BDKRB2: variants seen among roughly 807,000 people sequenced by gnomAD.
BDKRB2 encodes bradykinin receptor B2.
In BDKRB2, 6 loss-of-function variants were observed where a neutral mutation model predicts 4.0. The ratio of observed to expected loss-of-function variants is 1.49; its 90% CI spans 0.81 to 2.93. The LOEUF is 2.93. Among genes scored for constraint, BDKRB2 ranks in the 30% most tolerant of loss-of-function variants. BDKRB2 has a pLI of 0.00. For missense variants in BDKRB2, 478 were observed against 520.1 expected, an observed-to-expected ratio of 0.92 and a Z score of 0.79; for synonymous variants, 225 against 215.3, an observed-to-expected ratio of 1.05 and a Z score of -0.40.
intron 1 of BDKRB2, among the ~76,000 whole-genome samples, chr14:96,214,248 G>A (rs1259022376): frequency 2.0e-5 from 3 of 152,212 alleles, no homozygotes; most frequent in Admixed American, 6.5e-5. Context: ...TATCTTCCGG[G>A]AGTCTGTTTG....
intron 1 of BDKRB2, chr14:96,223,083 C>T: frequency 1.9e-6 from 2 of 1,059,884 alleles, no homozygotes; most frequent in South Asian, 1.3e-5. Context: ...CGGCACAGGG[C>T]TGAAGGCTAG....
At chr14:96,234,989 C>T (rs1409110463) in intron 1 of BDKRB2, among the ~76,000 whole-genome samples, 1 of 152,166 alleles carries the variant, frequency 6.6e-6, no homozygotes, top group Non-Finnish European at 1.5e-5. Flanking sequence ...GGCTGGTCTT[C>T]ATTCTTCCCC....
intron 1 of BDKRB2, chr14:96,233,805 CTG>C (rs1369810833): frequency 6.6e-6 from 1 of 152,184 alleles, no homozygotes; most frequent in African/African-American, 2.4e-5. Context: ...CCCACGGTGT[CTG>C]TGCGAGTAAA....
intron 1 of BDKRB2, among the ~76,000 whole-genome samples, chr14:96,224,683 A>G (rs1890654246): frequency 6.6e-6 from 1 of 152,004 alleles, no homozygotes; most frequent in Admixed American, 6.6e-5. Context: ...AGGGCTCAAC[A>G]TTTCCTGTCT....
intron 1 of BDKRB2, among the ~76,000 whole-genome samples, chr14:96,209,859 G>A (rs541791917): frequency 1.1e-4 from 17 of 152,214 alleles, no homozygotes; most frequent in African/African-American, 3.9e-4. Flanking sequence ...AGCCAGGCAC[G>A]GTGGTGCATG....
chr14:96,220,896 C>T (rs115525410), intron 1 of BDKRB2, among the ~76,000 whole-genome samples: 8,255 of 152,134 alleles, frequency 0.054, 462 homozygotes, highest in Admixed American at 0.19. Flanking sequence ...ATCTCCCCCA[C>T]GAAGCCTCCC....
intron 1 of BDKRB2, among the ~76,000 whole-genome samples, chr14:96,214,475 G>T (rs1264737075): frequency 6.6e-6 from 1 of 152,178 alleles, no homozygotes; most frequent in Non-Finnish European, 1.5e-5. Context: ...CACAAGCGGG[G>T]ACCTGGGCTC....
At chr14:96,231,600 A>G (rs185604350) in intron 1 of BDKRB2, among the ~76,000 whole-genome samples, 151 of 152,290 alleles carry the variant, frequency 9.9e-4, no homozygotes, top group African/African-American at 3.5e-3. Flanking sequence ...AGAGGAAAAC[A>G]TTTATTCTGG....
chr14:96,222,965 C>A, intron 1 of BDKRB2: 1 of 563,242 alleles, frequency 1.8e-6, no homozygotes, highest in African/African-American at 1.9e-5. Context: ...CATCACCGAC[C>A]GCTCTAGGCT....
intron 2 of BDKRB2, chr14:96,238,792 C>T: frequency 3.0e-6 from 3 of 985,876 alleles, no homozygotes; most frequent in Non-Finnish European, 3.6e-6. Context: ...CACCAGCCCC[C>T]TCTCCAAGTC....
chr14:96,212,610 A>G (rs558996728), intron 1 of BDKRB2, among the ~76,000 whole-genome samples: 6 of 152,140 alleles, frequency 3.9e-5, no homozygotes, highest in Non-Finnish European at 8.8e-5. Context: ...GAATAAGTTG[A>G]TGGCAGAGAT....
intron 1 of BDKRB2, among the ~76,000 whole-genome samples, chr14:96,229,652 G>A (rs113987477): frequency 0.011 from 1,638 of 152,154 alleles, 12 homozygotes; most frequent in Non-Finnish European, 0.016. Context: ...CAGACTCACC[G>A]CAGCAGAGCA....
intron 2 of BDKRB2, chr14:96,239,166 A>G (rs1395175677): frequency 6.1e-6 from 6 of 985,274 alleles, no homozygotes; most frequent in African/African-American, 1.7e-5. Flanking sequence ...CACCCACAGC[A>G]CAGGGCACTG....
chr14:96,225,396 G>C (rs1253863946), intron 1 of BDKRB2, among the ~76,000 whole-genome samples: 1 of 152,106 alleles, frequency 6.6e-6, no homozygotes, highest in Admixed American at 6.5e-5. Flanking sequence ...AGGCTTCTTA[G>C]AGGAGGTGAG....
rs76228306 is a variant in BDKRB2 at position 96,239,072 on chromosome 14, C to G, written c.75-1331C>G. On this transcript the variant is annotated intron_variant, in intron 2 of 2. Coordinates refer to ENST00000554311, the MANE Select transcript of BDKRB2 (RefSeq NM_001379692.1). ...AAATCCCAGAGGTGATGATCAGTAT[C>G]TCTCCCGTGACTCGTAGTTCAGCTC... The G allele has an allele frequency of 5.6e-4, 553 of 985,444 alleles. 8 individuals carry two copies. The East Asian group carries it at 0.052, about 94-fold the overall frequency. 61.0% of individuals were successfully genotyped at this position (985,444 alleles called of 1,614,324 possible). A position where few individuals can be genotyped will look rare whatever the true frequency, so the allele number is the denominator to read the frequency against.
chr14:96,210,402 G>A (rs1890277934), intron 1 of BDKRB2, among the ~76,000 whole-genome samples: 1 of 152,168 alleles, frequency 6.6e-6, no homozygotes, highest in East Asian at 1.9e-4. Flanking sequence ...GGAAGAGGAG[G>A]TTAGGCAGAA....
Position 96,241,316 on chromosome 14 carries a change from C to T in BDKRB2, c.988C>T (p.Leu330=). ...MAYSNSCLNP[L]VYVIVGKRFR... is the part of the protein sequence containing the mutation. ...CTACAGCAACAGCTGCCTCAACCCA[C>T]TGGTGTACGTGATCGTGGGCAAGCG... The change falls in exon 3 of 3, where the codon CTG becomes TTG. Residue 330 remains leucine (L), a synonymous_variant. Coordinates refer to ENST00000554311, the MANE Select transcript of BDKRB2 (RefSeq NM_001379692.1). 1.2e-6 allele frequency: 2 copies of T among 1,614,034 alleles called. No homozygotes were observed. The highest frequency in any genetic ancestry group is 1.7e-6 in the Non-Finnish European group (2 of 1,179,938).
Position 96,216,712 on chromosome 14 carries a change from GGAA to G in BDKRB2, c.-40+11756_-40+11758del, listed in dbSNP as rs1207759407. Among the ~76,000 whole-genome samples the G allele has an allele frequency of 1.1e-3, 79 of 73,502 alleles. 3 individuals carry two copies. In the East Asian group the frequency reaches 0.016, roughly 15 times the overall value. 48.2% of individuals were successfully genotyped at this position (73,502 alleles called of 152,430 possible). A position where few individuals can be genotyped will look rare whatever the true frequency, so the allele number is the denominator to read the frequency against. On this transcript the variant is annotated intron_variant, in intron 1 of 2. Transcript: ENST00000554311. ...GAGGAGGAAGGAGGAGGAAGGAGGAGGAAGAGGAAGGAGGAGGAGGAAGGAGGA... is the reference window on the plus strand; with the variant it reads ...GAGGAGGAAGGAGGAGGAAGGAGGAGGAGGAAGGAGGAGGAGGAAGGAGGA...
At position 96,238,323 on chromosome 14, in the gene BDKRB2, G is replaced by A. The variant is rs555816071; in HGVS notation, c.74+1142G>A. On this transcript the variant is annotated intron_variant, in intron 2 of 2. Coordinates refer to ENST00000554311, the MANE Select transcript of BDKRB2 (RefSeq NM_001379692.1). ...AAAAGGCCAAGAAAGATGCTGCAAA[G>A]CATGTTATGACCTAGCCTCAGAAAT... The A allele has an allele frequency of 7.2e-5, 37 of 513,602 alleles. No individual in the cohort carries two copies. The African/African-American group carries it at 7.3e-4, about 10-fold the overall frequency. 31.8% of individuals were successfully genotyped at this position (513,602 alleles called of 1,614,324 possible). A position where few individuals can be genotyped will look rare whatever the true frequency, so the allele number is the denominator to read the frequency against.
Sources: allele counts gnomAD v4.1 joint callset (sites outside exome capture counted in the v4.1 genomes callset), GRCh38; gene constraint gnomAD v4.1.1; transcripts MANE v1.5; gene names NCBI Gene and HGNC (gene_info 2026-07-23, HGNC 2026-07-21).